ZNF592: variants seen among roughly 807,000 people sequenced by gnomAD.
ZNF592 encodes the protein spinocerebellar ataxia, autosomal recessive 5.
In ZNF592, 11 loss-of-function variants were observed where a neutral mutation model predicts 80.3. The ratio of observed to expected loss-of-function variants is 0.14; its 90% confidence interval spans 0.09 to 0.23. The LOEUF is 0.23. Ranked by LOEUF, ZNF592 falls within the 10% of genes least tolerant of loss-of-function variation. The pLI, the probability that ZNF592 is intolerant of heterozygous loss-of-function variation, is 1.00. For missense variants in ZNF592, 1,420 were observed against 1,633.9 expected, an observed-to-expected ratio of 0.87 and a Z score of 2.26; for synonymous variants, 646 against 640.3, an observed-to-expected ratio of 1.01 and a Z score of -0.13.
intron 1 of ZNF592, among the ~76,000 whole-genome samples, chr15:84,760,423 G>A (rs1014566717): frequency 6.6e-6 from 1 of 152,132 alleles, no homozygotes; most frequent in African/African-American, 2.4e-5. Context: ...AGGAGCCCTG[G>A]TTGAGAAAGA....
intron 1 of ZNF592, among the ~76,000 whole-genome samples, chr15:84,764,018 C>T (rs1215715533): frequency 6.6e-6 from 1 of 152,138 alleles, no homozygotes; most frequent in East Asian, 1.9e-4. Flanking sequence ...CTTTTTGACC[C>T]TCATTCTCAT....
chr15:84,789,243 C>CAA (rs35184729), intron 4 of ZNF592, among the ~76,000 whole-genome samples: 1 of 139,658 alleles, frequency 7.2e-6, no homozygotes, highest in Non-Finnish European at 1.6e-5. Context: ...GACCCTGTCT[C>CAA]AAAAAAAAAA....
Position 84,798,589 on chromosome 15 carries a change from G to A in ZNF592, c.2738G>A (p.Ser913Asn). Residue 913 changes from serine to asparagine, a missense_variant and splice_region_variant, in exon 8 of 11, where the codon AGC (serine) becomes AAC (asparagine). Around this residue, in one of 7 missense-constraint regions of ZNF592, gnomAD observed 331 missense variants for 347.0 expected, o/e 0.95. Coordinates refer to ENST00000560079, the MANE Select transcript of ZNF592 (RefSeq NM_014630.3). This position sits in a 1 kb window ranked among gnomAD's most constrained non-coding sequence, Gnocchi z 4.5. ...AGTAATCGCTCTCCCCATCCCCAGAGCACCCACGGTGTTCCCCGAAATGTG... is the reference window on the plus strand; with the variant it reads ...AGTAATCGCTCTCCCCATCCCCAGAACACCCACGGTGTTCCCCGAAATGTG... ...QKPELMQHVK[S>N]THGVPRNVDE... 6.2e-7 allele frequency: 1 copy of A among 1,614,112 alleles called. No homozygotes were observed. The highest frequency in any genetic ancestry group is 8.5e-7 in the Non-Finnish European group (1 of 1,180,030).
intron 3 of ZNF592, among the ~76,000 whole-genome samples, chr15:84,780,414 G>A (rs1333560629): frequency 6.6e-6 from 1 of 152,200 alleles, no homozygotes; most frequent in Non-Finnish European, 1.5e-5. Flanking sequence ...GGTATTGAGT[G>A]CCCACTGTTT....
In ZNF592 at chr15:84,783,165, C is replaced by T. The variant is rs769803796; in HGVS notation, c.490C>T (p.His164Tyr). 4 of 1,614,216 alleles carry T rather than the reference C, an allele frequency of 2.5e-6. No homozygotes were observed. In the South Asian group the frequency reaches 3.3e-5, roughly 13 times the overall value. The change falls in exon 4 of 11, where the codon CAC becomes TAC. Residue 164 changes from histidine to tyrosine, a missense_variant. Transcript: ENST00000560079. The surrounding 1 kb of genome is among the most constrained non-coding windows in gnomAD (Gnocchi z 5.0). ...KDNGFGIKPKHSDSYFPPPLG... is the reference protein window; with the variant it reads ...KDNGFGIKPKYSDSYFPPPLG... Reference sequence around the variant, plus strand: ...TAACGGATTTGGGATAAAGCCCAAACACTCTGACAGTTATTTCCCACCCCC... The same window carrying T: ...TAACGGATTTGGGATAAAGCCCAAATACTCTGACAGTTATTTCCCACCCCC...
intron 2 of ZNF592, among the ~76,000 whole-genome samples, chr15:84,767,032 T>G (rs1224571321): frequency 6.6e-6 from 1 of 152,172 alleles, no homozygotes; most frequent in Non-Finnish European, 1.5e-5. Context: ...TCTCATTCCG[T>G]AGCCCAAGCT....
At position 84,781,477 on chromosome 15, in the gene ZNF592, T is replaced by C. The variant is rs138841695; in HGVS notation, c.-19-1180T>C. Among the ~76,000 whole-genome samples, 70 of 152,232 alleles carry C rather than the reference T, an allele frequency of 4.6e-4. No homozygotes were observed. In the East Asian group the frequency reaches 0.012, roughly 26 times the overall value. The stretch of plus-strand genomic sequence containing the variant: ...GCTTTTTAAATAATGCTGTAACATA[T>C]ACTTTTGCATGTAGTTTTTGAGAAT... On this transcript the variant is annotated intron_variant, in intron 3 of 10. Coordinates refer to ENST00000560079, the MANE Select transcript of ZNF592 (RefSeq NM_014630.3).
intron 1 of ZNF592, among the ~76,000 whole-genome samples, chr15:84,759,298 T>C (rs1449092286): frequency 6.6e-6 from 1 of 152,158 alleles, no homozygotes; most frequent in Non-Finnish European, 1.5e-5. Context: ...GTGGTGGTTA[T>C]TGGCACACAG....
chr15:84,766,637 A>G (rs1478109803), intron 2 of ZNF592, among the ~76,000 whole-genome samples: 5 of 151,554 alleles, frequency 3.3e-5, no homozygotes, highest in African/African-American at 9.7e-5. Flanking sequence ...GAGAGAGGAC[A>G]GGGGAAGAGA....
chr15:84,800,531 G>C (rs1021388712), intron 10 of ZNF592, among the ~76,000 whole-genome samples: 6 of 152,152 alleles, frequency 3.9e-5, no homozygotes, highest in African/African-American at 1.4e-4. Context: ...TGGTAGGGGG[G>C]TGCTGTTCCA....
intron 4 of ZNF592, 100 bp from the exon 5 acceptor site, chr15:84,790,605 G>C: frequency 8.3e-7 from 1 of 1,199,804 alleles, no homozygotes; most frequent in South Asian, 1.2e-5. Context: ...TGGGGGAAGG[G>C]GTTATTCTGA....
intron 10 of ZNF592, among the ~76,000 whole-genome samples, chr15:84,801,042 T>G (rs947625277): frequency 6.6e-6 from 1 of 152,210 alleles, no homozygotes; most frequent in African/African-American, 2.4e-5. Context: ...ATGCATATAC[T>G]GGGTGCGGTG....
At chr15:84,800,631 C>T (rs1302078937) in intron 10 of ZNF592, among the ~76,000 whole-genome samples, 22 of 152,186 alleles carry the variant, frequency 1.4e-4, no homozygotes, top group Non-Finnish European at 2.9e-5. Context: ...CAGATGGTGT[C>T]AGTAGTTGGC....
At chr15:84,765,535 G>GGTTTTT (rs1899483883) in intron 2 of ZNF592, among the ~76,000 whole-genome samples, 1 of 92,280 alleles carries the variant, frequency 1.1e-5, no homozygotes, top group Non-Finnish European at 2.0e-5. Flanking sequence ...TGTTATTATT[G>GGTTTTT]TTTTTTTTTT....
rs200812644 is a variant in ZNF592, at chr15:84,790,921, A to G, written c.2399+38A>G. ...TGGCTTGCTGTCCTGGTATTGCCCA[A>G]TGGCTGGTCCTTTTCCTAAGCCAGA... On this transcript the variant is annotated intron_variant, in intron 5 of 10. Coordinates refer to ENST00000560079, the MANE Select transcript of ZNF592 (RefSeq NM_014630.3). 295 of 1,613,446 alleles carry G rather than the reference A, an allele frequency of 1.8e-4. 1 individual carries two copies. In the African/African-American group the frequency reaches 3.6e-3, roughly 20 times the overall value.
In ZNF592 at chr15:84,764,694, C is replaced by T. The variant is rs1317320085; in HGVS notation, c.-258-13C>T. 5.0e-6 allele frequency: 2 copies of T among 398,700 alleles called. No individual in the cohort carries two copies. The highest frequency in any genetic ancestry group is 2.1e-5 in the African/African-American group (1 of 48,582). The allele number at this position is 398,700 out of a possible 1,614,324, so 24.7% of individuals were successfully genotyped here. A position where few individuals can be genotyped will look rare whatever the true frequency, so the allele number is the denominator to read the frequency against. On this transcript the variant is annotated splice_polypyrimidine_tract_variant and intron_variant, in intron 1 of 10. Coordinates refer to ENST00000560079, the MANE Select transcript of ZNF592 (RefSeq NM_014630.3). ...CCCACTTAAAAAAAATTTTGTTTTT[C>T]TTCTTTCCTTAGGTGGTGTTTGGAC...
intron 1 of ZNF592, among the ~76,000 whole-genome samples, chr15:84,762,143 C>G (rs1004718462): frequency 6.6e-6 from 1 of 152,146 alleles, no homozygotes; most frequent in Non-Finnish European, 1.5e-5. Context: ...GTGCCAGGCA[C>G]TATTCTAGGC....
rs538811373 is a variant in ZNF592, at chr15:84,793,079, A to T, written c.2399+2196A>T. Reference sequence around the variant, plus strand: ...TTTGAATCTTGAATCCAAGAAAAAAAATTTTTTTTTTTTTAAAGATGGAGT... The same window carrying T: ...TTTGAATCTTGAATCCAAGAAAAAATATTTTTTTTTTTTTAAAGATGGAGT... On this transcript the variant is annotated intron_variant, in intron 5 of 10. Transcript: ENST00000560079. Among the ~76,000 whole-genome samples the T allele has an allele frequency of 4.3e-4, 64 of 150,426 alleles. No homozygotes were observed. The East Asian group carries it at 6.9e-3, about 16-fold the overall frequency.
intron 1 of ZNF592, among the ~76,000 whole-genome samples, chr15:84,764,072 C>A (rs1415712135): frequency 6.6e-6 from 1 of 152,210 alleles, no homozygotes; most frequent in Admixed American, 6.5e-5. Flanking sequence ...TATCTGCCCC[C>A]GCCATGATTT....
Sources: allele counts gnomAD v4.1 joint callset (sites outside exome capture counted in the v4.1 genomes callset), GRCh38; gene constraint gnomAD v4.1.1; regional missense constraint gnomAD v4.1.1; non-coding constraint Gnocchi (gnomAD v3.1); transcripts MANE v1.5; gene names NCBI Gene and HGNC (gene_info 2026-07-23, HGNC 2026-07-21).